The following CNBD2 variants were observed in gnomAD, a reference collection of about 807,000 sequenced individuals.
CNBD2 encodes the protein cyclic nucleotide binding domain containing 2, also known as cyclic nucleotide-binding domain-containing protein 2.
CNBD2 carries 64 observed loss-of-function variants against 63.7 expected under a neutral mutation model. That is an observed-to-expected ratio of 1.00 (90% CI 0.82 to 1.24). CNBD2 has a LOEUF of 1.24. Ranked by LOEUF, CNBD2 falls within the 50% of genes most tolerant of loss-of-function variation. The pLI is 0.00. For synonymous variants in CNBD2, 229 were observed against 255.4 expected, an observed-to-expected ratio of 0.90 and a Z score of 0.99; for missense variants, 691 against 713.5, an observed-to-expected ratio of 0.97 and a Z score of 0.36.
intron 2 of CNBD2, chr20:35,973,717 A>C (rs2056458333): frequency 6.6e-6 from 1 of 152,152 alleles, no homozygotes; most frequent in South Asian, 2.1e-4. Flanking sequence ...CCTGGTGACC[A>C]GGTTTCTAGA....
intron 7 of CNBD2, among the ~76,000 whole-genome samples, chr20:35,994,250 G>T (rs888179104): frequency 6.6e-6 from 1 of 151,774 alleles, no homozygotes; most frequent in African/African-American, 2.4e-5. Context: ...TTTTTAGTAG[G>T]GACGGGGTTT....
At chr20:35,987,578 A>G (rs2056686403) in intron 7 of CNBD2, 45 bp downstream of exon 7, 3 of 1,607,972 alleles carry the variant, frequency 1.9e-6, no homozygotes, top group Admixed American at 3.4e-5. Flanking sequence ...TCTGAGGAGC[A>G]TGCCTAAGAT....
chr20:36,017,666 G>A (rs2057153475), intron 10 of CNBD2, among the ~76,000 whole-genome samples: 1 of 152,186 alleles, frequency 6.6e-6, no homozygotes, highest in African/African-American at 2.4e-5. Context: ...TTTAAAGAAT[G>A]CTGTTTTGTT....
intron 7 of CNBD2, among the ~76,000 whole-genome samples, chr20:35,994,366 A>C (rs2056791853): frequency 7.1e-6 from 1 of 140,280 alleles, no homozygotes; most frequent in Non-Finnish European, 1.5e-5. Flanking sequence ...GGCCGGCTTA[A>C]TTTTTGTATT....
chr20:35,967,440 T>C (rs2056355515), upstream of CNBD2, among the ~76,000 whole-genome samples: 1 of 149,912 alleles, frequency 6.7e-6, no homozygotes, highest in African/African-American at 2.5e-5. Flanking sequence ...TTAGTAGGGA[T>C]GGGGTTTCAC....
chr20:35,967,321 C>T (rs1339731236), upstream of CNBD2, among the ~76,000 whole-genome samples: 1 of 130,432 alleles, frequency 7.7e-6, no homozygotes, highest in Non-Finnish European at 1.5e-5. Flanking sequence ...ACAATCTTGG[C>T]TGACTGCAAC....
chr20:36,029,255 T>G (rs952120919), intron 11 of CNBD2, among the ~76,000 whole-genome samples: 16 of 152,238 alleles, frequency 1.1e-4, no homozygotes, highest in African/African-American at 3.6e-4. Flanking sequence ...CCAATTTCTA[T>G]GTTTCTGAAA....
At chr20:35,993,144 C>T (rs2056771124) in intron 7 of CNBD2, among the ~76,000 whole-genome samples, 1 of 145,436 alleles carries the variant, frequency 6.9e-6, no homozygotes, top group Non-Finnish European at 1.6e-5. Context: ...TCCCCTATAG[C>T]TCAAAAAAAA....
chr20:35,993,926 G>C (rs1044464184), intron 7 of CNBD2, among the ~76,000 whole-genome samples: 1 of 143,672 alleles, frequency 7.0e-6, no homozygotes, highest in Non-Finnish European at 1.5e-5. Context: ...CCAGGCTGGA[G>C]TGCAATGGCA....
Position 36,030,452 on chromosome 20 carries a change from A to G in CNBD2, c.1535A>G (p.Gln512Arg), listed in dbSNP as rs1485672373. 10 of 1,614,166 alleles carry G rather than the reference A, an allele frequency of 6.2e-6. No individual in the cohort carries two copies. Among genetic ancestry groups the G allele is most frequent in the Non-Finnish European group, 7.6e-6 (9 of 1,180,040 alleles). Residue 512 changes from glutamine to arginine, a missense_variant, in exon 12 of 12, where the codon CAA (glutamine) becomes CGA (arginine). By Grantham distance (43) the Gln-to-Arg change is conservative. Coordinates refer to ENST00000373973, the MANE Select transcript of CNBD2 (RefSeq NM_001365709.1). ...CTGCTCGTGGAGCCTTGCCAAAGTC[A>G]ACTGTTCACTCCAAACCGGCCCAAG... ...LQLLVEPCQSQLFTPNRPKKR... is the reference protein window; with the variant it reads ...LQLLVEPCQSRLFTPNRPKKR...
At chr20:35,955,982 A>G (rs1392343245), downstream of CNBD2, among the ~76,000 whole-genome samples, 1 of 152,098 alleles carries the variant, frequency 6.6e-6, no homozygotes, top group African/African-American at 2.4e-5. Flanking sequence ...CAGCCTCCCA[A>G]AGTGCTGGCA....
In CNBD2 at chr20:35,980,584, C is replaced by CCTGCAG. The variant is rs770076091; in HGVS notation, c.374_379dup (p.Gln125_Leu126dup). 6.2e-7 allele frequency: 1 copy of CCTGCAG among 1,613,750 alleles called. No individual in the cohort carries two copies. The highest frequency in any genetic ancestry group is 8.5e-7 in the Non-Finnish European group (1 of 1,180,040). The stretch of plus-strand genomic sequence containing the variant: ...ATAGCTATCGGAACTACGCAGAGCC[C>CCTGCAG]CTGCAGCTGCTCCTGGCCAAAGTCA... On this transcript the variant is annotated inframe_insertion, in exon 4 of 12. Transcript: ENST00000373973.
At chr20:35,996,128 A>T (rs1422581848) in intron 8 of CNBD2, among the ~76,000 whole-genome samples, 1 of 152,198 alleles carries the variant, frequency 6.6e-6, no homozygotes, top group East Asian at 1.9e-4. Context: ...CCCTTCAAGT[A>T]CCATTCAAGT....
chr20:35,987,356 G>A (rs374216000), intron 6 of CNBD2, 39 bp from the exon 7 acceptor site: 3 of 1,612,178 alleles, frequency 1.9e-6, no homozygotes, highest in African/African-American at 1.3e-5. Context: ...GGCACCTTGT[G>A]TGATGGAGTT....
At chr20:36,022,178 C>A (rs2057219907) in intron 10 of CNBD2, among the ~76,000 whole-genome samples, 1 of 127,066 alleles carries the variant, frequency 7.9e-6, no homozygotes, top group Admixed American at 7.8e-5. Context: ...CCATGCCCGG[C>A]TAATTCTTTT....
chr20:35,964,024 A>C (rs536759019), upstream of CNBD2, among the ~76,000 whole-genome samples: 84 of 152,326 alleles, frequency 5.5e-4, no homozygotes, highest in Non-Finnish European at 1.0e-3. Context: ...GTCAAATAAA[A>C]CAGTCTGCAA....
intron 11 of CNBD2, among the ~76,000 whole-genome samples, chr20:36,027,537 GTATT>G (rs1356147012): frequency 1.3e-5 from 2 of 152,120 alleles, no homozygotes; most frequent in Admixed American, 6.6e-5. Flanking sequence ...TAACATTTAT[GTATT>G]TATTTATGTG....
intron 9 of CNBD2, among the ~76,000 whole-genome samples, chr20:36,010,716 TC>T (rs551217664): frequency 3.7e-4 from 56 of 149,754 alleles, no homozygotes; most frequent in African/African-American, 1.2e-3. Context: ...TGAGCAGAGA[TC>T]CCATCAGTGC....
At chr20:35,971,099 C>T (rs1023178229) in intron 1 of CNBD2, among the ~76,000 whole-genome samples, 3 of 151,492 alleles carry the variant, frequency 2.0e-5, no homozygotes, top group East Asian at 2.0e-4. Flanking sequence ...AGGCGCCCGC[C>T]ACTACGCCCG....
Sources: allele counts gnomAD v4.1 joint callset (sites outside exome capture counted in the v4.1 genomes callset), GRCh38; gene constraint gnomAD v4.1.1; transcripts MANE v1.5; gene names NCBI Gene and HGNC (gene_info 2026-07-23, HGNC 2026-07-21).